The following GULP1 variants were observed in gnomAD, a reference collection of about 807,000 sequenced individuals.
GULP1 encodes GULP PTB domain containing engulfment adaptor 1, also known as PTB domain-containing engulfment adapter protein 1.
GULP1 carries 19 observed loss-of-function variants against 40.9 expected under a neutral mutation model. The ratio of observed to expected loss-of-function variants is 0.46; its 90% CI spans 0.32 to 0.68. The LOEUF is 0.68. GULP1 is among the 30% of genes least tolerant of loss of function. GULP1 has a pLI of 0.03. For synonymous variants in GULP1, 119 were observed against 117.6 expected, an observed-to-expected ratio of 1.01 and a Z score of -0.08; for missense variants, 312 against 362.2, an observed-to-expected ratio of 0.86 and a Z score of 1.12.
At chr2:188,427,353 TA>T (rs2056332708) in intron 2 of GULP1, among the ~76,000 whole-genome samples, 1 of 152,198 alleles carries the variant, frequency 6.6e-6, no homozygotes, top group South Asian at 2.1e-4. Flanking sequence ...TTTCCATAAC[TA>T]AAATGAAGGC....
rs182766443 is a variant in GULP1 at position 188,414,162 on chromosome 2, C to T, written c.-45+30273C>T. On this transcript the variant is annotated intron_variant, in intron 2 of 11. Transcript: ENST00000409830. ...AACCTGGGAGGCAGAGGTAGCAGTG[C>T]GCTAAGATCACGCCACTGCACTCCA... 1.3e-3 allele frequency among the ~76,000 whole-genome samples: 191 copies of T among 146,644 alleles called. 2 individuals are homozygous for T. Among genetic ancestry groups the T allele is most frequent in the African/African-American group, 4.5e-3 (177 of 39,656 alleles).
In GULP1 at chr2:188,292,792, CAT is replaced by C. The variant is rs1491033426; in HGVS notation, c.-172+627_-172+628del. Reference sequence around the variant, plus strand: ...GGCCCAAAGGAAGGGGCGGCGTCCACATGGTTACCCTTCTGCTGCGCGGGTCA... The same window carrying C: ...GGCCCAAAGGAAGGGGCGGCGTCCACGGTTACCCTTCTGCTGCGCGGGTCA... On this transcript the variant is annotated intron_variant, in intron 1 of 11. Transcript: ENST00000409830. This position sits in a 1 kb window ranked among gnomAD's most constrained non-coding sequence, Gnocchi z 4.0. 6.6e-4 allele frequency: 101 copies of C among 152,714 alleles called. No individual in the cohort carries two copies. The highest frequency in any genetic ancestry group is 1.4e-3 in the Admixed American group (22 of 15,310). 9.5% of individuals were successfully genotyped at this position (152,714 alleles called of 1,614,324 possible).
chr2:188,341,912 T>C (rs746260650), intron 1 of GULP1, among the ~76,000 whole-genome samples: 1 of 152,202 alleles, frequency 6.6e-6, no homozygotes, highest in Non-Finnish European at 1.5e-5. Context: ...TATTATACCA[T>C]ATTGGGCTCT....
At chr2:188,522,032 C>T (rs528007570) in intron 4 of GULP1, among the ~76,000 whole-genome samples, 4 of 152,050 alleles carry the variant, frequency 2.6e-5, no homozygotes, top group Non-Finnish European at 2.9e-5. Flanking sequence ...GCCGAGATAG[C>T]GCCACTGCAC....
intron 4 of GULP1, among the ~76,000 whole-genome samples, chr2:188,511,281 A>G (rs2064512671): frequency 6.6e-6 from 1 of 152,160 alleles, no homozygotes; most frequent in Non-Finnish European, 1.5e-5. Flanking sequence ...TAGATAAGTA[A>G]TACTATCCTC....
At chr2:188,442,247 C>T (rs745419356) in intron 2 of GULP1, among the ~76,000 whole-genome samples, 5 of 151,924 alleles carry the variant, frequency 3.3e-5, no homozygotes, top group Admixed American at 1.3e-4. Context: ...ATTTTCTGCC[C>T]GTAAGGTAAT....
At chr2:188,539,165 G>A (rs142499820) in intron 6 of GULP1, among the ~76,000 whole-genome samples, 1 of 152,036 alleles carries the variant, frequency 6.6e-6, no homozygotes, top group Non-Finnish European at 1.5e-5. Flanking sequence ...GAGAGACTAT[G>A]TAGATTTCAG....
At chr2:188,418,613 A>G (rs1448625559) in intron 2 of GULP1, among the ~76,000 whole-genome samples, 2 of 152,204 alleles carry the variant, frequency 1.3e-5, no homozygotes, top group African/African-American at 4.8e-5. Context: ...AGCCTGGGGA[A>G]TAGAGCCAGA....
intron 2 of GULP1, among the ~76,000 whole-genome samples, chr2:188,452,076 A>G (rs2058878841): frequency 6.6e-6 from 1 of 152,176 alleles, no homozygotes. Context: ...AGCATTTAAT[A>G]TTTTCTAATA....
intron 4 of GULP1, among the ~76,000 whole-genome samples, chr2:188,498,864 A>G (rs974269822): frequency 7.3e-5 from 11 of 151,554 alleles, no homozygotes; most frequent in Admixed American, 6.6e-4. Flanking sequence ...AAATTAAATA[A>G]TATTTTTCTA....
At position 188,391,341 on chromosome 2, in the gene GULP1, C is replaced by T. The variant is rs150333602; in HGVS notation, c.-45+7452C>T. ...TTTCACATCCTTGGTTAAGTATATTCCTAGGTATTTTATTTTAATTTTTGC... is the reference window on the plus strand; with the variant it reads ...TTTCACATCCTTGGTTAAGTATATTTCTAGGTATTTTATTTTAATTTTTGC... On this transcript the variant is annotated intron_variant, in intron 2 of 11. Transcript: ENST00000409830. 2.6e-3 allele frequency among the ~76,000 whole-genome samples: 388 copies of T among 151,980 alleles called. 3 individuals are homozygous for T. The highest frequency in any genetic ancestry group is 8.7e-3 in the African/African-American group (359 of 41,494).
chr2:188,333,461 C>T lies in GULP1; in HGVS notation c.-172+41295C>T, dbSNP rs1194434066. 4.6e-5 allele frequency among the ~76,000 whole-genome samples: 7 copies of T among 152,094 alleles called. No individual in the cohort carries two copies. In the South Asian group the frequency reaches 8.3e-4, roughly 18 times the overall value. On this transcript the variant is annotated intron_variant, in intron 1 of 11. Coordinates refer to ENST00000409830, the MANE Select transcript of GULP1 (RefSeq NM_016315.4). ...GTTTAGGCAAGCCAGGATTAATTCT[C>T]TTTGTGTTTTTTGTTTCTAACTCAA...
chr2:188,467,265 C>A (rs112951899), intron 2 of GULP1, among the ~76,000 whole-genome samples: 3 of 152,272 alleles, frequency 2.0e-5, no homozygotes, highest in African/African-American at 7.2e-5. Context: ...GCTATTGAGG[C>A]AACCTTCTCT....
chr2:188,435,630 G>T (rs2057337218), intron 2 of GULP1, among the ~76,000 whole-genome samples: 1 of 152,106 alleles, frequency 6.6e-6, no homozygotes, highest in Middle Eastern at 3.4e-3. Context: ...TTGGCGTAGG[G>T]TATCACCAGG....
chr2:188,436,820 C>A (rs577381986), intron 2 of GULP1, among the ~76,000 whole-genome samples: 2 of 152,062 alleles, frequency 1.3e-5, no homozygotes, highest in Admixed American at 6.6e-5. Flanking sequence ...ATACAGTGTT[C>A]ATGAAGAAAA....
intron 7 of GULP1, among the ~76,000 whole-genome samples, chr2:188,542,358 T>C (rs559572670): frequency 5.1e-4 from 78 of 152,314 alleles, no homozygotes; most frequent in Admixed American, 1.7e-3. Context: ...ATCACTGTTA[T>C]GTCATTTGTT....
chr2:188,420,768 TA>T (rs2055287898), intron 2 of GULP1, among the ~76,000 whole-genome samples: 1 of 152,110 alleles, frequency 6.6e-6, no homozygotes. Flanking sequence ...ATTCATTTGG[TA>T]AAAGGGCATA....
chr2:188,330,358 A>G (rs575620629), intron 1 of GULP1, among the ~76,000 whole-genome samples: 3 of 152,170 alleles, frequency 2.0e-5, no homozygotes, highest in Non-Finnish European at 4.4e-5. Flanking sequence ...TAACACAAGA[A>G]CTATGTTTGA....
intron 1 of GULP1, among the ~76,000 whole-genome samples, chr2:188,363,604 G>T (rs933230193): frequency 2.6e-5 from 4 of 152,092 alleles, no homozygotes; most frequent in Non-Finnish European, 5.9e-5. Flanking sequence ...AAGGCAAAGG[G>T]TTATTAATCT....
Sources: allele counts gnomAD v4.1 joint callset (sites outside exome capture counted in the v4.1 genomes callset), GRCh38; gene constraint gnomAD v4.1.1; non-coding constraint Gnocchi (gnomAD v3.1); transcripts MANE v1.5; gene names NCBI Gene and HGNC (gene_info 2026-07-23, HGNC 2026-07-21).